RPN1: variants seen among roughly 807,000 people sequenced by gnomAD.
The protein encoded by RPN1 is dolichyl-diphosphooligosaccharide--protein glycosyltransferase subunit 1.
RPN1 carries 12 observed loss-of-function variants against 55.5 expected under a neutral mutation model. The observed-to-expected ratio is 0.22, with a 90% CI of 0.14 to 0.35. The LOEUF (loss-of-function observed/expected upper bound fraction) is 0.35, where lower values mean the gene tolerates loss of function less well. Among genes scored for constraint, RPN1 ranks in the 10% least tolerant of loss-of-function variants. RPN1 has a pLI of 1.00. For synonymous variants in RPN1, 317 were observed against 305.9 expected (o/e 1.04, Z -0.38); for missense variants, 679 against 761.3 (o/e 0.89, Z 1.27).
At position 128,637,955 on chromosome 3, in the gene RPN1, GT is replaced by G; in HGVS notation, c.476del (p.Asn159ThrfsTer17). 1 of 1,614,236 alleles carries G rather than the reference GT, an allele frequency of 6.2e-7. No homozygotes were observed. Among genetic ancestry groups the G allele is most frequent in the Non-Finnish European group, 8.5e-7 (1 of 1,180,052 alleles). On this transcript the variant is annotated frameshift_variant, in exon 3 of 10. Coordinates refer to ENST00000296255, the MANE Select transcript of RPN1 (RefSeq NM_002950.4). LOFTEE classifies it high-confidence loss of function. ...TTGGATAGGGAGAGTAGAAATAATG[GT>G]TCCCCTCAAACACCACAAACTGTTT... Reference protein sequence around the residue: ...SEKQFVVFEGNHYFYSPYPTK... With the variant: ...SEKQFVVFEGXHYFYSPYPTK...
intron 2 of RPN1, among the ~76,000 whole-genome samples, chr3:128,639,445 A>G (rs1436510282): frequency 7.7e-5 from 11 of 143,652 alleles, no homozygotes; most frequent in Non-Finnish European, 6.1e-5. Flanking sequence ...AGAGCGAGAT[A>G]CCGTCTCAAG....
chr3:128,637,376 T>C (rs1394382244), intron 3 of RPN1, among the ~76,000 whole-genome samples: 7 of 152,176 alleles, frequency 4.6e-5, no homozygotes, highest in Admixed American at 2.0e-4. Context: ...GTTTGCGATT[T>C]GCCATAGTAA....
At chr3:128,641,115 A>T (rs2811496) in intron 2 of RPN1, 90,163 of 150,768 alleles carry the variant, frequency 0.6, 27,141 homozygotes, top group East Asian at 0.77. Context: ...TTTTTTCCTA[A>T]AGCTCTTCTC....
chr3:128,629,638 T>C (rs946345869), intron 5 of RPN1, among the ~76,000 whole-genome samples: 2 of 152,202 alleles, frequency 1.3e-5, no homozygotes, highest in Admixed American at 6.5e-5. Flanking sequence ...ATAAAAGTGT[T>C]TTTTATTATT....
intron 5 of RPN1, among the ~76,000 whole-genome samples, chr3:128,629,678 A>G (rs2069627626): frequency 6.6e-6 from 1 of 150,872 alleles, no homozygotes; most frequent in Non-Finnish European, 1.5e-5. Context: ...AAATAACTCA[A>G]AAACTATTTA....
At position 128,632,438 on chromosome 3, in the gene RPN1, T is replaced by C. The variant is rs115547513; in HGVS notation, c.634-281A>G. On this transcript the variant is annotated intron_variant, in intron 3 of 9. Transcript: ENST00000296255. The stretch of plus-strand genomic sequence containing the variant: ...CAGTTTTGTAAGAGTTCTAAATAAG[T>C]GCATTATCTCATCTCATTCTCAAGA... Among the ~76,000 whole-genome samples, 1,116 of 152,308 alleles carry C rather than the reference T, an allele frequency of 7.3e-3. 18 individuals are homozygous for C. The highest frequency in any genetic ancestry group is 0.025 in the African/African-American group (1,055 of 41,570).
rs972156474 is a variant in RPN1, at chr3:128,624,296, C to T, written c.1395+1238G>A. 1.1e-4 allele frequency among the ~76,000 whole-genome samples: 17 copies of T among 152,052 alleles called. 2 individuals are homozygous for T. The highest frequency in any genetic ancestry group is 5.8e-4 in the East Asian group (3 of 5,160). Reference sequence around the variant, plus strand: ...TCAGGAGATTGAGACCATCCTAACACGGTGAAACCCCGTCTCTACTAAAAA... The same window carrying T: ...TCAGGAGATTGAGACCATCCTAACATGGTGAAACCCCGTCTCTACTAAAAA... On this transcript the variant is annotated intron_variant, in intron 8 of 9. Transcript: ENST00000296255.
chr3:128,635,654 T>G (rs760160601), intron 3 of RPN1, among the ~76,000 whole-genome samples: 35,081 of 73,898 alleles, frequency 0.47, 5,274 homozygotes, highest in Non-Finnish European at 0.5. Flanking sequence ...TATATATATA[T>G]ATATATATAT....
At position 128,630,161 on chromosome 3, in the gene RPN1, T is replaced by C. The variant is rs147695421; in HGVS notation, c.844-18A>G. ...AGGATGGTCTGCAAGAGAGTGGATA[T>C]GCCCTTCTAAAACTCCAGGAACCAG... On this transcript the variant is annotated intron_variant, in intron 4 of 9. Coordinates refer to ENST00000296255, the MANE Select transcript of RPN1 (RefSeq NM_002950.4). 740 of 1,583,132 alleles carry C rather than the reference T, an allele frequency of 4.7e-4. 4 individuals carry two copies. The African/African-American group carries it at 9.2e-3, about 20-fold the overall frequency.
At chr3:128,647,933 C>G (rs1435006763) in intron 1 of RPN1, among the ~76,000 whole-genome samples, 1 of 152,076 alleles carries the variant, frequency 6.6e-6, no homozygotes, top group Non-Finnish European at 1.5e-5. Flanking sequence ...GTCCCTTCTG[C>G]TAGCTCCTAA....
chr3:128,647,771 A>T (rs1298276143), intron 1 of RPN1, among the ~76,000 whole-genome samples: 1 of 152,008 alleles, frequency 6.6e-6, no homozygotes, highest in Admixed American at 6.6e-5. Flanking sequence ...ATACAGACTT[A>T]TTTGTTTTAT....
intron 2 of RPN1, chr3:128,641,049 A>G (rs940205365): frequency 1.3e-5 from 2 of 152,204 alleles, no homozygotes; most frequent in African/African-American, 2.4e-5. Flanking sequence ...TCAATCAATA[A>G]AAGGCTAGAC....
intron 3 of RPN1, among the ~76,000 whole-genome samples, chr3:128,637,200 T>A (rs777036971): frequency 6.6e-6 from 1 of 152,014 alleles, no homozygotes; most frequent in Non-Finnish European, 1.5e-5. Flanking sequence ...ATTATGCCAC[T>A]GTACTCCAGG....
intron 4 of RPN1, among the ~76,000 whole-genome samples, chr3:128,631,246 G>C (rs1006154764): frequency 6.6e-6 from 1 of 152,148 alleles, no homozygotes; most frequent in Non-Finnish European, 1.5e-5. Flanking sequence ...GGCCGAAGTG[G>C]GCGGATCACC....
At position 128,625,164 on chromosome 3, in the gene RPN1, C is replaced by A. The variant is rs1012548289; in HGVS notation, c.1395+370G>T. 3.3e-5 allele frequency among the ~76,000 whole-genome samples: 5 copies of A among 152,086 alleles called. No homozygotes were observed. The East Asian group carries it at 9.7e-4, about 30-fold the overall frequency. ...CCAGGTCAGTGGTTTCTGCTCCCAA[C>A]AAGGAATCACCAAGGGGGAGGTGGG... is the stretch of plus-strand genomic sequence containing the variant. On this transcript the variant is annotated intron_variant, in intron 8 of 9. Transcript: ENST00000296255.
At chr3:128,639,311 G>A (rs1393254189) in intron 2 of RPN1, among the ~76,000 whole-genome samples, 1 of 151,996 alleles carries the variant, frequency 6.6e-6, no homozygotes, top group South Asian at 2.1e-4. Context: ...AAAAATAGCC[G>A]GGCGTTGTGG....
chr3:128,643,681 A>T (rs1404446282), intron 2 of RPN1, among the ~76,000 whole-genome samples: 2 of 151,962 alleles, frequency 1.3e-5, no homozygotes, highest in African/African-American at 4.8e-5. Flanking sequence ...CTGTAATCAC[A>T]GCTACTCGGG....
chr3:128,630,242 G>T, intron 4 of RPN1, 99 bp from the exon 5 acceptor site: 1 of 684,192 alleles, frequency 1.5e-6, no homozygotes, highest in Non-Finnish European at 2.4e-6. Flanking sequence ...TCCTCACATG[G>T]TACTACTTAA....
At chr3:128,641,163 T>C (rs1376673613) in intron 2 of RPN1, 4 of 152,146 alleles carry the variant, frequency 2.6e-5, no homozygotes, top group Admixed American at 6.6e-5. Context: ...GTGAATGACT[T>C]GGTTTTTTAC....
Sources: gnomAD v4.1 joint callset for allele counts (sites outside exome capture counted in the v4.1 genomes callset) on GRCh38, gnomAD v4.1.1 for gene constraint, MANE v1.5 for transcripts, NCBI Gene and HGNC (gene_info 2026-07-23, HGNC 2026-07-21) for gene names.